The following CTNNA3 variants were observed in gnomAD, a reference collection of about 807,000 sequenced individuals.
CTNNA3 encodes catenin alpha-3.
CTNNA3 carries 76 observed loss-of-function variants against 95.7 expected under a neutral mutation model. The ratio of observed to expected loss-of-function variants is 0.79; its 90% CI spans 0.66 to 0.96. The LOEUF is 0.96. CTNNA3 is among the 40% of genes least tolerant of loss of function. The pLI, the probability that CTNNA3 is intolerant of heterozygous loss-of-function variation, is 0.00. For missense variants in CTNNA3, 1,191 were observed against 1,089.8 expected (o/e 1.09, Z -1.31); for synonymous variants, 431 against 374.4 (o/e 1.15, Z -1.74).
At chr10:66,388,009 G>A (rs1476105083) in intron 11 of CTNNA3, among the ~76,000 whole-genome samples, 1 of 152,042 alleles carries the variant, frequency 6.6e-6, no homozygotes, top group Non-Finnish European at 1.5e-5. Flanking sequence ...ATGAGTTGAT[G>A]GGTGCAGCAA....
intron 7 of CTNNA3, among the ~76,000 whole-genome samples, chr10:66,843,880 TA>T (rs1395790302): frequency 6.6e-6 from 1 of 152,206 alleles, no homozygotes; most frequent in East Asian, 1.9e-4. Context: ...AAACAGAACC[TA>T]AAATATTCTA....
chr10:66,284,114 C>A lies in CTNNA3; in HGVS notation c.1733-3493G>T, dbSNP rs75049588. ...AACAAAGGCGGCCTTTTGGTCAACA[C>A]CCCGGCGACTTCAAAGTATCTTGTC... On this transcript the variant is annotated intron_variant, in intron 12 of 17. Coordinates refer to ENST00000433211, the MANE Select transcript of CTNNA3 (RefSeq NM_013266.4). Among the ~76,000 whole-genome samples, 1,429 of 151,950 alleles carry A rather than the reference C, an allele frequency of 9.4e-3. 17 individuals carry two copies. Among genetic ancestry groups the A allele is most frequent in the African/African-American group, 0.032 (1,320 of 41,506 alleles).
intron 5 of CTNNA3, among the ~76,000 whole-genome samples, chr10:67,454,786 TAACA>T (rs540278850): frequency 2.3e-3 from 352 of 152,262 alleles, no homozygotes; most frequent in African/African-American, 8.2e-3. Context: ...GTGGAATAAC[TAACA>T]GAGAACTATA....
chr10:66,510,996 A>G (rs1332910100), intron 11 of CTNNA3, among the ~76,000 whole-genome samples: 3 of 151,890 alleles, frequency 2.0e-5, no homozygotes, highest in Admixed American at 2.0e-4. Context: ...GCTAGAATTC[A>G]TTAGTGAATC....
intron 7 of CTNNA3, among the ~76,000 whole-genome samples, chr10:66,967,397 T>C (rs1849488552): frequency 6.6e-6 from 1 of 151,790 alleles, no homozygotes; most frequent in Non-Finnish European, 1.5e-5. Flanking sequence ...TATGTGTATA[T>C]ACATATATAC....
At chr10:66,936,602 G>A (rs1847709627) in intron 7 of CTNNA3, among the ~76,000 whole-genome samples, 1 of 152,090 alleles carries the variant, frequency 6.6e-6, no homozygotes, top group Non-Finnish European at 1.5e-5. Context: ...GAAAGTCACA[G>A]GGTCAGTTTC....
intron 1 of CTNNA3, among the ~76,000 whole-genome samples, chr10:67,680,597 G>A (rs1184255500): frequency 6.6e-6 from 1 of 152,120 alleles, no homozygotes; most frequent in African/African-American, 2.4e-5. Flanking sequence ...TGGCTCTCAT[G>A]GAGAATCTAT....
chr10:67,116,217 TCATGAACCTGAAATA>T (rs1859179879), intron 7 of CTNNA3, among the ~76,000 whole-genome samples: 1 of 151,986 alleles, frequency 6.6e-6, no homozygotes, highest in South Asian at 2.1e-4. Flanking sequence ...AGCAGATGAA[TCATGAACCTGAAATA>T]CATAATGCAC....
intron 7 of CTNNA3, among the ~76,000 whole-genome samples, chr10:67,091,839 TAGGGACC>T (rs1346548336): frequency 6.6e-6 from 1 of 151,876 alleles, no homozygotes; most frequent in East Asian, 1.9e-4. Context: ...TAGAACAAAA[TAGGGACC>T]AAGGAAGAGG....
chr10:66,371,983 G>A lies in CTNNA3; in HGVS notation c.1732+7169C>T, dbSNP rs376371648. 5.5e-4 allele frequency among the ~76,000 whole-genome samples: 84 copies of A among 152,298 alleles called. 2 individuals are homozygous for A. The South Asian group carries it at 0.014, about 26-fold the overall frequency. On this transcript the variant is annotated intron_variant, in intron 12 of 17. Transcript: ENST00000433211. ...ATAAATGTACCAGCTGTGTGGTCCAGTGTCATAATGTTATGATACTGTTAG... is the reference window on the plus strand; with the variant it reads ...ATAAATGTACCAGCTGTGTGGTCCAATGTCATAATGTTATGATACTGTTAG...
At chr10:66,194,125 G>A (rs952109153) in intron 13 of CTNNA3, among the ~76,000 whole-genome samples, 5 of 152,188 alleles carry the variant, frequency 3.3e-5, no homozygotes, top group African/African-American at 1.2e-4. Flanking sequence ...AATGCATTAA[G>A]AGGCCACAGA....
chr10:66,625,298 TA>T (rs775049124), intron 9 of CTNNA3, among the ~76,000 whole-genome samples: 8 of 152,142 alleles, frequency 5.3e-5, no homozygotes, highest in Non-Finnish European at 8.8e-5. Context: ...AAAAACATTG[TA>T]GATGAGAATG....
chr10:66,997,767 T>C (rs1464994460), intron 7 of CTNNA3, among the ~76,000 whole-genome samples: 1 of 152,168 alleles, frequency 6.6e-6, no homozygotes, highest in African/African-American at 2.4e-5. Context: ...GCAGAGGAAG[T>C]CCTCAAATTT....
At chr10:66,505,833 A>C (rs373441739) in intron 11 of CTNNA3, among the ~76,000 whole-genome samples, 1 of 152,200 alleles carries the variant, frequency 6.6e-6, no homozygotes. Context: ...TGGTGTTCTA[A>C]AAACTGATAA....
chr10:67,175,907 T>G (rs925757138), intron 7 of CTNNA3, among the ~76,000 whole-genome samples: 14 of 152,144 alleles, frequency 9.2e-5, no homozygotes, highest in African/African-American at 3.1e-4. Flanking sequence ...AGATCATTCC[T>G]TTTTCACAGG....
chr10:66,323,567 G>A (rs376581234), intron 12 of CTNNA3, among the ~76,000 whole-genome samples: 20 of 151,156 alleles, frequency 1.3e-4, no homozygotes, highest in Admixed American at 5.3e-4. Flanking sequence ...CAGAAGAATC[G>A]CTTGAACCCA....
intron 5 of CTNNA3, among the ~76,000 whole-genome samples, chr10:67,273,574 T>C (rs534801066): frequency 6.6e-6 from 1 of 152,194 alleles, no homozygotes; most frequent in Non-Finnish European, 1.5e-5. Context: ...AATTTCATTC[T>C]TATTTATTTA....
chr10:67,274,837 AAAATTTTACTGAC>A (rs1260385007), intron 5 of CTNNA3, among the ~76,000 whole-genome samples: 1 of 152,184 alleles, frequency 6.6e-6, no homozygotes, highest in Non-Finnish European at 1.5e-5. Flanking sequence ...CAATAAAATA[AAAATTTTACTGAC>A]AAAATATCAG....
intron 10 of CTNNA3, among the ~76,000 whole-genome samples, chr10:66,569,963 G>C (rs577193968): frequency 6.6e-6 from 1 of 152,146 alleles, no homozygotes; most frequent in African/African-American, 2.4e-5. Flanking sequence ...TATGAAAGGA[G>C]AGTGAGCATA....
Sources: gnomAD v4.1 joint callset for allele counts (sites outside exome capture counted in the v4.1 genomes callset) on GRCh38, gnomAD v4.1.1 for gene constraint, MANE v1.5 for transcripts, NCBI Gene and HGNC (gene_info 2026-07-23, HGNC 2026-07-21) for gene names.